Variants in TMEM266 observed in about 807,000 individuals in gnomAD.
The protein encoded by TMEM266 is Hv1 related protein 1.
Under a neutral mutation model 50.5 loss-of-function variants are expected in TMEM266, and 33 were observed. The observed-to-expected ratio is 0.65, with a 90% CI of 0.50 to 0.87. The LOEUF (loss-of-function observed/expected upper bound fraction) is 0.87. Ranked by LOEUF, TMEM266 falls within the 40% of genes least tolerant of loss-of-function variation. The pLI is 0.00. For synonymous variants in TMEM266, 310 were observed against 292.3 expected (o/e 1.06, Z -0.62); for missense variants, 655 against 695.1 (o/e 0.94, Z 0.65).
intron 2 of TMEM266, among the ~76,000 whole-genome samples, chr15:76,135,627 A>G (rs2037576662): frequency 6.6e-6 from 1 of 152,264 alleles, no homozygotes; most frequent in Admixed American, 6.5e-5. Context: ...AAACACCCAC[A>G]CTTTTATATC....
intron 8 of TMEM266, among the ~76,000 whole-genome samples, chr15:76,189,004 ACCCTACAAAATATATCTTGT>A (rs1215054765): frequency 1.3e-5 from 2 of 152,108 alleles, no homozygotes; most frequent in Admixed American, 6.6e-5. Flanking sequence ...ACATGGCAAG[ACCCTACAAAATATATCTTGT>A]CCCTACAAAA....
At chr15:76,073,159 G>A (rs1352662106) in intron 1 of TMEM266, among the ~76,000 whole-genome samples, 1 of 147,716 alleles carries the variant, frequency 6.8e-6, no homozygotes, top group Admixed American at 6.7e-5. Context: ...TCGAACTCTT[G>A]ACCTCAGGTG....
chr15:76,089,093 CAAAAAA>C (rs1213055800), intron 1 of TMEM266, among the ~76,000 whole-genome samples: 2 of 45,226 alleles, frequency 4.4e-5, no homozygotes, highest in Non-Finnish European at 7.3e-5. Context: ...GACTCTGTCT[CAAAAAA>C]AAAAAAAAAA....
intron 8 of TMEM266, among the ~76,000 whole-genome samples, chr15:76,183,955 C>G (rs996970111): frequency 6.6e-6 from 1 of 152,226 alleles, no homozygotes; most frequent in African/African-American, 2.4e-5. Flanking sequence ...GCCCATCTCC[C>G]CATCCAGGCC....
At chr15:76,099,471 T>C (rs2935970) in intron 1 of TMEM266, among the ~76,000 whole-genome samples, 127,702 of 152,248 alleles carry the variant, frequency 0.84, 53,682 homozygotes, top group Admixed American at 0.87. Context: ...AAATCACCCA[T>C]CTTCTGTGTC....
At chr15:76,071,310 C>T (rs2036536257) in intron 1 of TMEM266, among the ~76,000 whole-genome samples, 1 of 152,196 alleles carries the variant, frequency 6.6e-6, no homozygotes, top group Admixed American at 6.5e-5. Context: ...TGCAGAGGAA[C>T]AGCTAGGCAC....
intron 8 of TMEM266, chr15:76,191,759 AT>A: frequency 2.0e-6 from 1 of 512,192 alleles, no homozygotes; most frequent in Non-Finnish European, 3.4e-6. Flanking sequence ...GAGACGCAGG[AT>A]CGCACAGGTT....
At chr15:76,104,696 G>A (rs1186469602) in intron 1 of TMEM266, among the ~76,000 whole-genome samples, 8 of 152,178 alleles carry the variant, frequency 5.3e-5, no homozygotes, top group African/African-American at 9.7e-5. Flanking sequence ...CCAGGGAAAT[G>A]AGGAGGTCAT....
intron 1 of TMEM266, among the ~76,000 whole-genome samples, chr15:76,133,486 T>C (rs745842328): frequency 4.6e-5 from 7 of 152,310 alleles, no homozygotes; most frequent in South Asian, 4.1e-4. Flanking sequence ...CCAACACTTA[T>C]ATAGTACTTA....
intron 4 of TMEM266, among the ~76,000 whole-genome samples, chr15:76,159,171 C>T (rs1381715028): frequency 1.3e-5 from 2 of 152,172 alleles, no homozygotes; most frequent in East Asian, 3.8e-4. Context: ...TTCTTTTAGG[C>T]CTCTGGGGAG....
At chr15:76,138,378 A>G (rs913371726) in intron 3 of TMEM266, among the ~76,000 whole-genome samples, 3 of 152,300 alleles carry the variant, frequency 2.0e-5, no homozygotes, top group Non-Finnish European at 4.4e-5. Flanking sequence ...ACTTCCTCAG[A>G]AAAAGGCACT....
intron 3 of TMEM266, among the ~76,000 whole-genome samples, chr15:76,151,545 G>C (rs2037843058): frequency 6.6e-6 from 1 of 152,000 alleles, no homozygotes. Context: ...CTTCAGGAAG[G>C]AGCCCAGAAC....
intron 1 of TMEM266, among the ~76,000 whole-genome samples, chr15:76,097,365 C>A (rs984134520): frequency 6.6e-6 from 1 of 152,046 alleles, no homozygotes; most frequent in Non-Finnish European, 1.5e-5. Flanking sequence ...TTCTCCTTCA[C>A]TTATGCAGCT....
chr15:76,080,525 A>AG (rs1283105850), intron 1 of TMEM266, among the ~76,000 whole-genome samples: 2 of 151,728 alleles, frequency 1.3e-5, no homozygotes, highest in Non-Finnish European at 2.9e-5. Context: ...CTGGGATTAC[A>AG]GGCGTGAGCC....
At chr15:76,187,526 G>A (rs2038505456) in intron 8 of TMEM266, among the ~76,000 whole-genome samples, 1 of 152,214 alleles carries the variant, frequency 6.6e-6, no homozygotes, top group South Asian at 2.1e-4. Flanking sequence ...GCTGCCAGAG[G>A]GTTGGCTTGC....
chr15:76,109,524 C>T (rs2037134716), intron 1 of TMEM266, among the ~76,000 whole-genome samples: 1 of 152,162 alleles, frequency 6.6e-6, no homozygotes, highest in Non-Finnish European at 1.5e-5. Context: ...TAGCCAGGTG[C>T]AGTGGCTCAT....
intron 8 of TMEM266, among the ~76,000 whole-genome samples, chr15:76,182,482 T>A (rs2456052): frequency 0.84 from 124,245 of 148,222 alleles, 52,021 homozygotes; most frequent in East Asian, 0.98. Context: ...TAAAAAAAAA[T>A]ATATATAAAA....
Position 76,134,227 on chromosome 15 carries a change from C to T in TMEM266, c.-37C>T. The T allele has an allele frequency of 5.6e-6, 9 of 1,611,860 alleles. No homozygotes were observed. Among genetic ancestry groups the T allele is most frequent in the Non-Finnish European group, 7.6e-6 (9 of 1,178,106 alleles). On this transcript the variant is annotated 5_prime_UTR_variant, in exon 2 of 11. It introduces an in-frame stop codon into an upstream open reading frame of the 5' UTR. Coordinates refer to ENST00000388942, the MANE Select transcript of TMEM266 (RefSeq NM_152335.3). ...GCTTGGAAATGCTGACAGCAGGCTT[C>T]AGGACAGCTGAGCCCCACTAAACAC...
At chr15:76,130,020 T>C (rs2037482026) in intron 1 of TMEM266, among the ~76,000 whole-genome samples, 3 of 151,608 alleles carry the variant, frequency 2.0e-5, no homozygotes, top group Non-Finnish European at 4.4e-5. Flanking sequence ...GCCTAGGAGT[T>C]CGAGACCAGC....
Sources: allele counts gnomAD v4.1 joint callset (sites outside exome capture counted in the v4.1 genomes callset), GRCh38; gene constraint gnomAD v4.1.1; transcripts MANE v1.5; gene names NCBI Gene and HGNC (gene_info 2026-07-23, HGNC 2026-07-21).